Variants in RAP1GAP2 observed in about 807,000 individuals in gnomAD.
RAP1GAP2 encodes the protein RAP1 GTPase activating protein 2, also known as rap1 GTPase-activating protein 2.
In RAP1GAP2, 27 loss-of-function variants were observed where a neutral mutation model predicts 95.0. The observed-to-expected ratio is 0.28, with a 90% CI of 0.21 to 0.39. RAP1GAP2 has a LOEUF of 0.39. RAP1GAP2 is among the 10% of genes least tolerant of loss of function. The pLI, the probability that RAP1GAP2 is intolerant of heterozygous loss-of-function variation, is 1.00. For synonymous variants in RAP1GAP2, 373 were observed against 380.9 expected (o/e 0.98, Z 0.24); for missense variants, 771 against 970.0 (o/e 0.79, Z 2.72).
At chr17:2,951,759 C>T (rs991826890) in intron 3 of RAP1GAP2, among the ~76,000 whole-genome samples, 3 of 147,770 alleles carry the variant, frequency 2.0e-5, no homozygotes, top group East Asian at 4.1e-4. Context: ...CTAGGCTGGG[C>T]GCAGTGGCTC....
chr17:2,807,759 C>T (rs1270976726), intron 2 of RAP1GAP2, among the ~76,000 whole-genome samples: 2 of 151,986 alleles, frequency 1.3e-5, no homozygotes, highest in African/African-American at 2.4e-5. Context: ...AGGCAGGCCA[C>T]GTCTGGGAGG....
At chr17:2,863,785 G>A (rs1341326706) in intron 2 of RAP1GAP2, among the ~76,000 whole-genome samples, 2 of 152,110 alleles carry the variant, frequency 1.3e-5, no homozygotes, top group Admixed American at 1.3e-4. Flanking sequence ...GGCCGGGCAC[G>A]GTGGCTCACA....
chr17:2,886,119 C>G (rs1277512886), intron 2 of RAP1GAP2, among the ~76,000 whole-genome samples: 1 of 150,530 alleles, frequency 6.6e-6, no homozygotes, highest in Non-Finnish European at 1.5e-5. Flanking sequence ...TTTTTTTTCC[C>G]AATGAATATG....
rs1316329398 is a variant in RAP1GAP2 at position 2,762,938 on chromosome 17, A to T, written c.50+7171A>T. 6.6e-5 allele frequency among the ~76,000 whole-genome samples: 10 copies of T among 152,102 alleles called. No homozygotes were observed. In the East Asian group the frequency reaches 1.9e-3, roughly 29 times the overall value. On this transcript the variant is annotated intron_variant, in intron 1 of 25. Coordinates refer to the RAP1GAP2 transcript ENST00000637138. ...CAATCCTCCTACCTCAGCCTCTGAA[A>T]GTACTGGGACTACAGGTGTGAGCCA...
At chr17:2,915,129 G>A (rs111874669) in intron 3 of RAP1GAP2, among the ~76,000 whole-genome samples, 9 of 152,122 alleles carry the variant, frequency 5.9e-5, no homozygotes, top group Non-Finnish European at 1.0e-4. Flanking sequence ...TCACTATGTC[G>A]CCCGGGTTGG....
chr17:2,785,605 A>G (rs940045570), intron 1 of RAP1GAP2, among the ~76,000 whole-genome samples: 8 of 152,108 alleles, frequency 5.3e-5, no homozygotes, highest in Non-Finnish European at 1.0e-4. Flanking sequence ...CACATTTCCC[A>G]CGCTTGCTTG....
rs1478450636 is a variant in RAP1GAP2, at chr17:2,902,134, T to C, written c.81-3150T>C. On this transcript the variant is annotated intron_variant, in intron 2 of 24. Transcript: ENST00000254695. This position sits in a 1 kb window ranked among gnomAD's most constrained non-coding sequence, Gnocchi z 4.1. ...CGGGGTCGGCAAGCCTCAGCATGCGTTGGCTTGCAGCCGCATCACTCCTGT... is the reference window on the plus strand; with the variant it reads ...CGGGGTCGGCAAGCCTCAGCATGCGCTGGCTTGCAGCCGCATCACTCCTGT... Among the ~76,000 whole-genome samples the C allele has an allele frequency of 1.3e-5, 2 of 152,206 alleles. No individual in the cohort carries two copies. The highest frequency in any genetic ancestry group is 1.9e-4 in the East Asian group (1 of 5,198).
chr17:2,853,461 A>T (rs2071972045), intron 2 of RAP1GAP2, among the ~76,000 whole-genome samples: 1 of 145,318 alleles, frequency 6.9e-6, no homozygotes, highest in African/African-American at 2.6e-5. Flanking sequence ...CTGCCTGGGG[A>T]GGGAGCTCGG....
At chr17:2,832,751 C>T (rs932456099) in intron 2 of RAP1GAP2, among the ~76,000 whole-genome samples, 2 of 151,444 alleles carry the variant, frequency 1.3e-5, no homozygotes, top group Non-Finnish European at 2.9e-5. Flanking sequence ...CCGAGGCGGG[C>T]GATGGCTCGA....
At position 2,797,873 on chromosome 17, in the gene RAP1GAP2, C is replaced by T. The variant is rs2069140310; in HGVS notation, c.44+1302C>T. 11 of 803,904 alleles carry T rather than the reference C, an allele frequency of 1.4e-5. No homozygotes were observed. Among genetic ancestry groups the T allele is most frequent in the Non-Finnish European group, 1.7e-5 (11 of 664,814 alleles). 49.8% of individuals were successfully genotyped at this position (803,904 alleles called of 1,614,324 possible). A position where few individuals can be genotyped will look rare whatever the true frequency, so the allele number is the denominator to read the frequency against. On this transcript the variant is annotated intron_variant, in intron 1 of 24. Coordinates refer to ENST00000254695, the MANE Select transcript of RAP1GAP2 (RefSeq NM_015085.5). The surrounding 1 kb of genome is among the most constrained non-coding windows in gnomAD (Gnocchi z 5.6). ...TGGCTGTGGGCCTTGCAGGGCAGGG[C>T]CCAGCAATTAGATTGTGCCCTCCAA...
At chr17:2,948,748 C>T (rs2043803095) in intron 3 of RAP1GAP2, among the ~76,000 whole-genome samples, 1 of 149,440 alleles carries the variant, frequency 6.7e-6, no homozygotes, top group Non-Finnish European at 1.5e-5. Flanking sequence ...AGGTGGCTGC[C>T]TGTCTGCAGG....
chr17:2,996,180 C>T (rs1356700559), intron 13 of RAP1GAP2, among the ~76,000 whole-genome samples: 1 of 152,146 alleles, frequency 6.6e-6, no homozygotes, highest in Non-Finnish European at 1.5e-5. Context: ...TCCTCTCTCA[C>T]CACACCTGTG....
chr17:2,865,714 T>TC (rs1309430427), intron 2 of RAP1GAP2, among the ~76,000 whole-genome samples: 1 of 151,998 alleles, frequency 6.6e-6, no homozygotes, highest in Non-Finnish European at 1.5e-5. Context: ...GGCCAGAAGG[T>TC]CCCCCAAGGG....
At chr17:2,776,912 G>C (rs2068516094), upstream of RAP1GAP2, 1 of 153,106 alleles carries the variant, frequency 6.5e-6, no homozygotes, top group African/African-American at 2.4e-5. Context: ...CTTCGCTCCG[G>C]GTCCAGAGGC....
At chr17:3,028,287 G>A (rs1158778863) in intron 22 of RAP1GAP2, among the ~76,000 whole-genome samples, 1 of 151,878 alleles carries the variant, frequency 6.6e-6, no homozygotes, top group Non-Finnish European at 1.5e-5. Flanking sequence ...GTTCTGAGCC[G>A]GGGGCAGTCT....
intron 3 of RAP1GAP2, among the ~76,000 whole-genome samples, chr17:2,936,189 G>A (rs2043304941): frequency 6.7e-6 from 1 of 150,270 alleles, no homozygotes; most frequent in Non-Finnish European, 1.5e-5. Flanking sequence ...CACGTGCCAT[G>A]TTGGTGTGCT....
intron 17 of RAP1GAP2, among the ~76,000 whole-genome samples, chr17:3,012,099 C>T (rs775107646): frequency 6.6e-5 from 10 of 152,144 alleles, no homozygotes; most frequent in African/African-American, 9.7e-5. Flanking sequence ...TGCCGCCTGG[C>T]ACCTCACCCC....
chr17:2,939,244 C>T (rs1489963533), intron 3 of RAP1GAP2, among the ~76,000 whole-genome samples: 2 of 152,102 alleles, frequency 1.3e-5, no homozygotes, highest in Non-Finnish European at 2.9e-5. Context: ...CATGCGCCAC[C>T]ATACCCAGCT....
intron 3 of RAP1GAP2, among the ~76,000 whole-genome samples, chr17:2,905,827 CG>C (rs1429732139): frequency 1.3e-5 from 2 of 152,132 alleles, no homozygotes; most frequent in Admixed American, 1.3e-4. Context: ...AGGTTCGGGT[CG>C]GGGTGGCAGT....
Sources: gnomAD v4.1 joint callset for allele counts (sites outside exome capture counted in the v4.1 genomes callset) on GRCh38, gnomAD v4.1.1 for gene constraint, Gnocchi (gnomAD v3.1) non-coding constraint, MANE v1.5 for transcripts, NCBI Gene and HGNC (gene_info 2026-07-23, HGNC 2026-07-21) for gene names.